NUDT9: variants seen among roughly 807,000 people sequenced by gnomAD.
NUDT9 encodes nudix hydrolase 9.
In NUDT9, 31 loss-of-function variants were observed where a neutral mutation model predicts 41.0. The ratio of observed to expected loss-of-function variants is 0.76; its 90% CI spans 0.57 to 1.02. The LOEUF is 1.02. Ranked by LOEUF, NUDT9 falls within the 50% of genes least tolerant of loss-of-function variation. The pLI is 0.00. For missense variants in NUDT9, 380 were observed against 431.4 expected (o/e 0.88, Z 1.06); for synonymous variants, 146 against 147.6 (o/e 0.99, Z 0.08).
intron 5 of NUDT9, among the ~76,000 whole-genome samples, chr4:87,449,590 A>G (rs562573565): frequency 6.6e-6 from 1 of 152,242 alleles, no homozygotes; most frequent in Admixed American, 6.5e-5. Context: ...ACTTCACAGG[A>G]TTATTAGAGA....
chr4:87,448,107 C>T (rs2110184620), intron 4 of NUDT9, among the ~76,000 whole-genome samples: 3 of 145,988 alleles, frequency 2.1e-5, no homozygotes, highest in South Asian at 2.2e-4. Flanking sequence ...ATCTGCTTTT[C>T]TCTTAGCACA....
At chr4:87,426,307 G>A (rs1721414478) in intron 1 of NUDT9, among the ~76,000 whole-genome samples, 1 of 152,112 alleles carries the variant, frequency 6.6e-6, no homozygotes, top group South Asian at 2.1e-4. Context: ...AGTGTTAAGA[G>A]CCTGGAATTC....
intron 6 of NUDT9, among the ~76,000 whole-genome samples, chr4:87,452,700 C>T (rs35679067): frequency 0.11 from 15,968 of 151,780 alleles, 1,111 homozygotes; most frequent in East Asian, 0.3. Flanking sequence ...AGGATCCCCC[C>T]ACCTCGACCT....
intron 2 of NUDT9, among the ~76,000 whole-genome samples, chr4:87,437,521 T>C (rs1200506536): frequency 6.6e-6 from 1 of 151,326 alleles, no homozygotes; most frequent in Non-Finnish European, 1.5e-5. Flanking sequence ...TTTGTATTTT[T>C]TTAGTAGAGA....
At chr4:87,449,349 C>A in intron 5 of NUDT9, 96 bp downstream of exon 5, 1 of 698,086 alleles carries the variant, frequency 1.4e-6, no homozygotes, top group Non-Finnish European at 2.6e-6. Context: ...CCATTTTCCT[C>A]TATTCCTTCC....
chr4:87,423,144 C>CA, intron 1 of NUDT9, 132 bp downstream of exon 1: 1 of 541,964 alleles, frequency 1.8e-6, no homozygotes, highest in Non-Finnish European at 3.1e-6. Context: ...TACAAGTTTT[C>CA]AAAAAGGCTC....
At chr4:87,443,260 CAT>C (rs34697941) in intron 4 of NUDT9, among the ~76,000 whole-genome samples, 15,500 of 152,106 alleles carry the variant, frequency 0.1, 1,031 homozygotes, top group East Asian at 0.29. Context: ...CACACACACA[CAT>C]GCCTGCACAT....
intron 2 of NUDT9, among the ~76,000 whole-genome samples, chr4:87,437,952 A>T (rs758274001): frequency 9.2e-5 from 14 of 152,148 alleles, no homozygotes; most frequent in Non-Finnish European, 1.6e-4. Context: ...TTGTGCCCAC[A>T]AACAATTCCT....
Position 87,454,384 on chromosome 4 carries a change from A to G in NUDT9, c.803A>G (p.Tyr268Cys), listed in dbSNP as rs1578081655. The change falls in exon 7 of 8, where the codon TAT becomes TGT. Residue 268 changes from tyrosine (Y) to cysteine (C), a missense_variant. Transcript: ENST00000302174. ...SQDHLVIYKG[Y>C]VDDPRNTDNA... is the part of the protein sequence containing the mutation. ...TTTTGAAAATAGATATATAAGGGAT[A>G]TGTTGATGATCCTCGAAACACTGAT... 6.2e-7 allele frequency: 1 copy of G among 1,607,952 alleles called. No individual in the cohort carries two copies. The highest frequency in any genetic ancestry group is 8.5e-7 in the Non-Finnish European group (1 of 1,174,462).
rs768396329 is a variant in NUDT9, at chr4:87,459,023, G to A, written c.*1002G>A. ...TCATTGCTGCACTATTCACAATAGC[G>A]AAGACATGAAATCAACCTAAATGTT... On this transcript the variant is annotated 3_prime_UTR_variant, in exon 8 of 8. Transcript: ENST00000302174. 3 of 152,092 alleles carry A rather than the reference G, an allele frequency of 2.0e-5. No individual in the cohort carries two copies. Among genetic ancestry groups the A allele is most frequent in the African/African-American group, 2.4e-5 (1 of 41,414 alleles). 9.4% of individuals were successfully genotyped at this position (152,092 alleles called of 1,614,324 possible).
rs1722139883 is a variant in NUDT9 at position 87,440,126 on chromosome 4, A to G, written c.444-1703A>G. Among the ~76,000 whole-genome samples, 4 of 152,204 alleles carry G rather than the reference A, an allele frequency of 2.6e-5. No individual in the cohort carries two copies. The South Asian group carries it at 8.3e-4, about 32-fold the overall frequency. ...TTCTTTTATAGATACAATTATAAAA[A>G]TATTATGAAAAGATAGGTAAGATAT... is the stretch of plus-strand genomic sequence containing the variant. On this transcript the variant is annotated intron_variant, in intron 3 of 7. Coordinates refer to ENST00000302174, the MANE Select transcript of NUDT9 (RefSeq NM_024047.5).
At chr4:87,453,243 T>C (rs888464202) in intron 6 of NUDT9, among the ~76,000 whole-genome samples, 3 of 152,226 alleles carry the variant, frequency 2.0e-5, no homozygotes, top group Non-Finnish European at 4.4e-5. Flanking sequence ...CATATATTAA[T>C]AGCTTAAGTA....
chr4:87,433,661 G>A (rs1460251178), intron 1 of NUDT9, among the ~76,000 whole-genome samples: 2 of 152,146 alleles, frequency 1.3e-5, no homozygotes, highest in Non-Finnish European at 2.9e-5. Context: ...CACTTGAGAT[G>A]TCCTAATTTA....
At chr4:87,440,217 T>C (rs570654650) in intron 3 of NUDT9, among the ~76,000 whole-genome samples, 2 of 152,336 alleles carry the variant, frequency 1.3e-5, no homozygotes, top group South Asian at 4.1e-4. Flanking sequence ...AAACTAACTT[T>C]AGCTTGCCTG....
rs770333037 is a variant in NUDT9, at chr4:87,441,801, T to G, written c.444-28T>G. ...GGTTAAAAAGATGAACACATTCAAT[T>G]GATTTTATGCTTTTTTTGTTTTTCC... On this transcript the variant is annotated intron_variant, in intron 3 of 7. Transcript: ENST00000302174. The G allele has an allele frequency of 1.3e-5, 21 of 1,580,930 alleles. No individual in the cohort carries two copies. In the Admixed American group the frequency reaches 2.0e-4, roughly 15 times the overall value.
chr4:87,454,978 T>A (rs957515740), intron 7 of NUDT9, among the ~76,000 whole-genome samples: 2 of 152,222 alleles, frequency 1.3e-5, no homozygotes, highest in Admixed American at 1.3e-4. Context: ...TCAAACCTGT[T>A]ATTACAGAAG....
chr4:87,438,448 C>A lies in NUDT9; in HGVS notation c.443+76C>A, dbSNP rs1223093384. 5.1e-6 allele frequency: 4 copies of A among 790,416 alleles called. No individual in the cohort carries two copies. In the African/African-American group the frequency reaches 6.9e-5, roughly 14 times the overall value. The allele number at this position is 790,416 out of a possible 1,614,324, so 49.0% of individuals were successfully genotyped here. A position where few individuals can be genotyped will look rare whatever the true frequency, so the allele number is the denominator to read the frequency against. ...AAAAGATAGTTCATATTTATCAAAT[C>A]CTTGTATGTGCCAGATGTTGTACAA... On this transcript the variant is annotated intron_variant, in intron 3 of 7. Coordinates refer to ENST00000302174, the MANE Select transcript of NUDT9 (RefSeq NM_024047.5).
At chr4:87,431,537 TGAACATAG>T (rs1334092621) in intron 1 of NUDT9, among the ~76,000 whole-genome samples, 2 of 152,232 alleles carry the variant, frequency 1.3e-5, no homozygotes, top group Non-Finnish European at 2.9e-5. Flanking sequence ...TTCCAGTCAA[TGAACATAG>T]GATGTCTTTT....
chr4:87,434,887 G>A, intron 1 of NUDT9, 94 bp from the exon 2 acceptor site: 1 of 1,106,284 alleles, frequency 9.0e-7, no homozygotes, highest in African/African-American at 1.6e-5. Context: ...ACAAAGTGCT[G>A]GGATTACAGG....
Sources: gnomAD v4.1 joint callset for allele counts (sites outside exome capture counted in the v4.1 genomes callset) on GRCh38, gnomAD v4.1.1 for gene constraint, MANE v1.5 for transcripts, NCBI Gene and HGNC (gene_info 2026-07-23, HGNC 2026-07-21) for gene names.